GPRC5C: variants seen among roughly 807,000 people sequenced by gnomAD.
GPRC5C encodes G protein-coupled receptor family C group 5 member C.
Under a neutral mutation model 31.4 loss-of-function variants are expected in GPRC5C, and 22 were observed. The observed-to-expected ratio is 0.70, with a 90% CI of 0.50 to 1.00. The LOEUF (loss-of-function observed/expected upper bound fraction) is 1.00, where lower values mean the gene tolerates loss of function less well. Ranked by LOEUF, GPRC5C falls within the 50% of genes least tolerant of loss-of-function variation. The pLI is 0.00. For synonymous variants in GPRC5C, 249 were observed against 257.5 expected, an observed-to-expected ratio of 0.97 and a Z score of 0.32; for missense variants, 557 against 597.2, an observed-to-expected ratio of 0.93 and a Z score of 0.70.
At chr17:74,433,508 C>T (rs1000652773) in intron 1 of GPRC5C, among the ~76,000 whole-genome samples, 4 of 152,326 alleles carry the variant, frequency 2.6e-5, no homozygotes, top group Admixed American at 6.5e-5. Flanking sequence ...GTCTCCTGTG[C>T]GCCTTCTTAT....
At chr17:74,444,451 G>A (rs369380841) in intron 3 of GPRC5C, among the ~76,000 whole-genome samples, 1 of 152,206 alleles carries the variant, frequency 6.6e-6, no homozygotes, top group South Asian at 2.1e-4. Context: ...CCAGGGGAGG[G>A]GGAGGGAGCA....
At chr17:74,441,086 T>A (rs2055532328) in intron 2 of GPRC5C, among the ~76,000 whole-genome samples, 1 of 151,638 alleles carries the variant, frequency 6.6e-6, no homozygotes, top group South Asian at 2.1e-4. Context: ...ACCAGCCTGA[T>A]CCACATGGTG....
At position 74,434,045 on chromosome 17, in the gene GPRC5C, G is replaced by T. The variant is rs1408644340; in HGVS notation, c.-33+1904G>T. 2.0e-5 allele frequency among the ~76,000 whole-genome samples: 3 copies of T among 152,188 alleles called. No individual in the cohort carries two copies. The East Asian group carries it at 5.8e-4, about 29-fold the overall frequency. On this transcript the variant is annotated intron_variant, in intron 1 of 3. Transcript: ENST00000392627. ...CCCTGGAGAGAGAAGGAGGGAGGAG[G>T]GAGGTTCAGCAACTGGACTGCACTG...
intron 2 of GPRC5C, among the ~76,000 whole-genome samples, chr17:74,442,875 C>T (rs1217039863): frequency 6.6e-6 from 1 of 152,154 alleles, no homozygotes; most frequent in African/African-American, 2.4e-5. Flanking sequence ...GTGGGGCTTA[C>T]AGACAAGTGC....
At chr17:74,438,247 ATATATT>A (rs1166998959) in intron 1 of GPRC5C, among the ~76,000 whole-genome samples, 1 of 86,682 alleles carries the variant, frequency 1.2e-5, no homozygotes, top group Non-Finnish European at 2.2e-5. Context: ...ATATATATAT[ATATATT>A]TGTTGTTGTT....
At chr17:74,438,206 C>CAT (rs71157066) in intron 1 of GPRC5C, among the ~76,000 whole-genome samples, 1,607 of 45,004 alleles carry the variant, frequency 0.036, 29 homozygotes, top group Non-Finnish European at 0.043. Context: ...TCTGCTAATT[C>CAT]ATATATATAT....
chr17:74,441,652 G>A (rs969397172), intron 2 of GPRC5C, among the ~76,000 whole-genome samples: 14 of 152,070 alleles, frequency 9.2e-5, no homozygotes, highest in Admixed American at 3.3e-4. Context: ...GTGAGGCCCC[G>A]TCTCTACAAA....
chr17:74,442,705 C>T (rs1332617092), intron 2 of GPRC5C, among the ~76,000 whole-genome samples: 2 of 152,242 alleles, frequency 1.3e-5, no homozygotes, highest in Admixed American at 1.3e-4. Context: ...GTGAAATCCT[C>T]ATAATCCCTG....
downstream of GPRC5C, among the ~76,000 whole-genome samples, chr17:74,447,955 G>A (rs1034155216): frequency 6.6e-6 from 1 of 152,184 alleles, no homozygotes; most frequent in Admixed American, 6.5e-5. Flanking sequence ...CAAATGGGTT[G>A]ACAAAAGTGC....
chr17:74,432,505 G>A, intron 1 of GPRC5C: 1 of 1,018,094 alleles, frequency 9.8e-7, no homozygotes, highest in Non-Finnish European at 1.2e-6. Context: ...GCTGGAGCGG[G>A]GCCGGCGGCG....
At chr17:74,447,464 T>G, downstream of GPRC5C, 1 of 588,500 alleles carries the variant, frequency 1.7e-6, no homozygotes, top group Non-Finnish European at 2.1e-6. Context: ...TGACCTGGCC[T>G]CCTGGTTTCT....
At chr17:74,446,549 A>G (rs907982147) in intron 3 of GPRC5C, 13 of 325,702 alleles carry the variant, frequency 4.0e-5, no homozygotes, top group Non-Finnish European at 4.0e-5. Flanking sequence ...TGGCCCTAGC[A>G]TTTCCCTAAA....
intron 3 of GPRC5C, 97 bp downstream of exon 3, chr17:74,444,009 G>T: frequency 1.2e-6 from 1 of 822,114 alleles, no homozygotes; most frequent in Admixed American, 2.5e-5. Flanking sequence ...AGCTGGGTTG[G>T]GTGGAGGTGG....
intron 2 of GPRC5C, among the ~76,000 whole-genome samples, chr17:74,442,191 C>T (rs534661280): frequency 1.6e-4 from 25 of 152,072 alleles, no homozygotes; most frequent in African/African-American, 9.7e-5. Flanking sequence ...TTAATAGAGA[C>T]GGGATTTCAC....
intron 1 of GPRC5C, 46 bp downstream of exon 1, chr17:74,432,187 A>G (rs754592304): frequency 2.5e-6 from 4 of 1,581,358 alleles, no homozygotes; most frequent in African/African-American, 1.4e-5. Flanking sequence ...TCCTGTGTAA[A>G]CGGAGCGCAC....
At chr17:74,434,929 A>G (rs988090732) in intron 1 of GPRC5C, among the ~76,000 whole-genome samples, 54 of 151,308 alleles carry the variant, frequency 3.6e-4, no homozygotes, top group African/African-American at 1.3e-3. Flanking sequence ...GTCTCAAGAA[A>G]AAAAAAAAGG....
At chr17:74,444,713 C>G (rs941549745) in intron 3 of GPRC5C, among the ~76,000 whole-genome samples, 1 of 152,174 alleles carries the variant, frequency 6.6e-6, no homozygotes, top group African/African-American at 2.4e-5. Context: ...TGAGCCTGGG[C>G]AGAGGAGAGC....
rs148895616 is a variant in GPRC5C at position 74,439,939 on chromosome 17, G to A, written c.163G>A (p.Ala55Thr). ...RSGAWGIVLE[A>T]VAGAGIVTTF... is the part of the protein sequence containing the mutation. ...TGGGGCGTGGGGCATCGTCCTGGAGGCCGTGGCTGGGGCGGGCATTGTCAC... is the reference window on the plus strand; with the variant it reads ...TGGGGCGTGGGGCATCGTCCTGGAGACCGTGGCTGGGGCGGGCATTGTCAC... The change falls in exon 2 of 4, where the codon GCC (alanine) becomes ACC (threonine). Residue 55 changes from alanine to threonine, a missense_variant. Transcript: ENST00000392627. 2,461 of 1,611,400 alleles carry A rather than the reference G, an allele frequency of 1.5e-3. 2 individuals are homozygous for A. Among genetic ancestry groups the A allele is most frequent in the Non-Finnish European group, 1.9e-3 (2,267 of 1,180,010 alleles).
rs764911608 is a variant in GPRC5C, at chr17:74,439,797, G to C, written c.21G>C (p.Leu7Phe). The C allele has an allele frequency of 7.4e-6, 12 of 1,613,366 alleles. No homozygotes were observed. The South Asian group carries it at 1.3e-4, about 18-fold the overall frequency. ...CCAGGATGGCCATCCACAAAGCCTT[G>C]GTGATGTGCCTGGGACTGCCTCTCT... MAIHKA[L>F]VMCLGLPLFL... The change falls in exon 2 of 4, where the codon TTG (leucine) becomes TTC (phenylalanine). Residue 7 changes from leucine to phenylalanine, a missense_variant. Coordinates refer to ENST00000392627, the MANE Select transcript of GPRC5C (RefSeq NM_022036.4).
Sources: allele counts gnomAD v4.1 joint callset (sites outside exome capture counted in the v4.1 genomes callset), GRCh38; gene constraint gnomAD v4.1.1; transcripts MANE v1.5; gene names NCBI Gene and HGNC (gene_info 2026-07-23, HGNC 2026-07-21).